Variants in LYRM4 observed in about 807,000 individuals in gnomAD.
LYRM4 encodes LYR motif containing 4, also known as LYR motif-containing protein 4.
LYRM4 carries 9 observed loss-of-function variants against 11.7 expected under a neutral mutation model. The observed-to-expected ratio is 0.77, with a 90% CI of 0.46 to 1.34. The LOEUF (loss-of-function observed/expected upper bound fraction) is 1.34. Ranked by LOEUF, LYRM4 falls within the 40% of genes most tolerant of loss-of-function variation. The probability of loss-of-function intolerance (pLI) is 0.00; values close to 1 mark genes in which losing one functional copy is unlikely to be tolerated. For missense variants in LYRM4, 133 were observed against 112.5 expected (o/e 1.18, Z -0.82); for synonymous variants, 42 against 40.4 (o/e 1.04, Z -0.15).
Position 5,260,807 on chromosome 6 carries a change from C to T in LYRM4, c.-74G>A. 6.5e-7 allele frequency: 1 copy of T among 1,530,516 alleles called. No individual in the cohort carries two copies. Among genetic ancestry groups the T allele is most frequent in the Non-Finnish European group, 8.7e-7 (1 of 1,144,760 alleles). The allele number at this position is 1,530,516 out of a possible 1,614,324, so 94.8% of individuals were successfully genotyped here. On this transcript the variant is annotated 5_prime_UTR_variant, in exon 1 of 3. Transcript: ENST00000330636. ...TACGACCCAACCCACGAAACTCCAG[C>T]CTGTGCGGAAACCACGAACGAAATA... is the stretch of plus-strand genomic sequence containing the variant.
chr6:5,260,602 CGGCCCCT>C (rs1037354394), intron 1 of LYRM4, 39 bp downstream of exon 1: 19 of 1,203,490 alleles, frequency 1.6e-5, no homozygotes, highest in Admixed American at 4.2e-5. Flanking sequence ...CCCCGGTCCC[CGGCCCCT>C]GGCCCCCCGC....
At chr6:5,241,237 T>C (rs1171811205) in intron 1 of LYRM4, among the ~76,000 whole-genome samples, 1 of 152,252 alleles carries the variant, frequency 6.6e-6, no homozygotes, top group Non-Finnish European at 1.5e-5. Flanking sequence ...GTAAGAATCC[T>C]CATTTCATAG....
intron 2 of LYRM4, among the ~76,000 whole-genome samples, chr6:5,141,371 A>T (rs923146188): frequency 5.9e-5 from 9 of 152,162 alleles, no homozygotes; most frequent in African/African-American, 1.9e-4. Context: ...TGTAAAGTGG[A>T]GAGTAGGCTG....
At chr6:5,248,867 A>G (rs548733870) in intron 1 of LYRM4, among the ~76,000 whole-genome samples, 1 of 152,370 alleles carries the variant, frequency 6.6e-6, no homozygotes, top group Non-Finnish European at 1.5e-5. Flanking sequence ...CATCCTCAGC[A>G]AGGAACAATG....
chr6:5,130,404 G>C (rs1277849263), intron 2 of LYRM4, among the ~76,000 whole-genome samples: 1 of 152,250 alleles, frequency 6.6e-6, no homozygotes, highest in African/African-American at 2.4e-5. Flanking sequence ...CATTGCACAG[G>C]GGACCTGGGA....
chr6:5,070,041 G>A, the LYRM4 span, among the ~76,000 whole-genome samples: 1 of 152,200 alleles, frequency 6.6e-6, no homozygotes, highest in Admixed American at 6.5e-5. Context: ...GAATTTTCCT[G>A]TTTCAATGTT....
At chr6:5,140,671 T>C (rs1331716407) in intron 2 of LYRM4, among the ~76,000 whole-genome samples, 1 of 152,216 alleles carries the variant, frequency 6.6e-6, no homozygotes, top group African/African-American at 2.4e-5. Flanking sequence ...CTTGGGAACA[T>C]GTAAGGCTTA....
intron 2 of LYRM4, among the ~76,000 whole-genome samples, chr6:5,119,039 G>A (rs1763278798): frequency 6.6e-6 from 1 of 152,208 alleles, no homozygotes; most frequent in South Asian, 2.1e-4. Context: ...GAGAAAGAAG[G>A]CCATGTGAAA....
chr6:5,090,475 G>C, the LYRM4 span, among the ~76,000 whole-genome samples: 1 of 152,208 alleles, frequency 6.6e-6, no homozygotes. The surrounding 1 kb of genome is among the most constrained non-coding windows in gnomAD (Gnocchi z 4.8). Flanking sequence ...AACCCACTGA[G>C]CTCTGGAGAC....
intron 2 of LYRM4, among the ~76,000 whole-genome samples, chr6:5,175,818 G>A (rs1196105490): frequency 6.6e-6 from 1 of 152,186 alleles, no homozygotes; most frequent in Non-Finnish European, 1.5e-5. Context: ...CACCAAGTAG[G>A]AAGTCGCACT....
chr6:5,051,578 T>C, the LYRM4 span, among the ~76,000 whole-genome samples: 3 of 152,170 alleles, frequency 2.0e-5, no homozygotes, highest in Non-Finnish European at 4.4e-5. Context: ...ACCAAGAATG[T>C]TATATCCAGC....
chr6:5,257,920 T>C (rs1341419663), intron 1 of LYRM4, among the ~76,000 whole-genome samples: 1 of 152,166 alleles, frequency 6.6e-6, no homozygotes, highest in East Asian at 1.9e-4. Flanking sequence ...CACACAGCAA[T>C]GAGACCTGTT....
intron 2 of LYRM4, among the ~76,000 whole-genome samples, chr6:5,164,655 A>G (rs1019149310): frequency 1.3e-5 from 2 of 152,152 alleles, no homozygotes; most frequent in Non-Finnish European, 2.9e-5. Context: ...TTCTGGGTAG[A>G]TGATATCTTC....
the LYRM4 span, among the ~76,000 whole-genome samples, chr6:5,044,239 T>C: frequency 1.3e-5 from 2 of 152,170 alleles, no homozygotes; most frequent in East Asian, 3.9e-4. Flanking sequence ...CCTGTGATTC[T>C]CCTGCCTCGG....
intron 1 of LYRM4, among the ~76,000 whole-genome samples, chr6:5,245,104 AAAAAAAAAAATATAT>A (rs1764091446): frequency 1.8e-5 from 1 of 57,108 alleles, no homozygotes; most frequent in African/African-American, 6.5e-5. Flanking sequence ...AAAAAAAAAA[AAAAAAAAAAATATAT>A]ATATATATAT....
rs575487577 is a variant in LYRM4, at chr6:5,121,320, T to C, written c.208-11829A>G. Among the ~76,000 whole-genome samples the C allele has an allele frequency of 3.3e-5, 5 of 152,304 alleles. No individual in the cohort carries two copies. The South Asian group carries it at 8.3e-4, about 25-fold the overall frequency. On this transcript the variant is annotated intron_variant, in intron 2 of 2. Transcript: ENST00000330636. Reference sequence around the variant, plus strand: ...GCAGGGAATATCTTCCTGTCTTCTATATGTACACCTGTACTTTAGAGGAGC... The same window carrying C: ...GCAGGGAATATCTTCCTGTCTTCTACATGTACACCTGTACTTTAGAGGAGC...
chr6:5,059,827 G>GT, the LYRM4 span, among the ~76,000 whole-genome samples: 1 of 150,986 alleles, frequency 6.6e-6, no homozygotes, highest in African/African-American at 2.4e-5. Flanking sequence ...AGAGACAGGG[G>GT]TCTTGCTCTG....
At chr6:5,063,477 G>GT in the LYRM4 span, among the ~76,000 whole-genome samples, 1 of 152,196 alleles carries the variant, frequency 6.6e-6, no homozygotes, top group African/African-American at 2.4e-5. Flanking sequence ...CCTTGCTTTG[G>GT]TTTTTTCACA....
chr6:5,256,005 G>C (rs747806477), intron 1 of LYRM4, among the ~76,000 whole-genome samples: 2 of 151,828 alleles, frequency 1.3e-5, no homozygotes, highest in Non-Finnish European at 2.9e-5. Context: ...TACTTGATGT[G>C]TATTAACTCA....
Sources: allele counts gnomAD v4.1 joint callset (sites outside exome capture counted in the v4.1 genomes callset), GRCh38; gene constraint gnomAD v4.1.1; non-coding constraint Gnocchi (gnomAD v3.1); transcripts MANE v1.5; gene names NCBI Gene and HGNC (gene_info 2026-07-23, HGNC 2026-07-21).